ADD3: variants seen among roughly 807,000 people sequenced by gnomAD.
The protein encoded by ADD3 is gamma-adducin.
Under a neutral mutation model 80.2 loss-of-function variants are expected in ADD3, and 25 were observed. The observed-to-expected ratio is 0.31, with a 90% confidence interval of 0.23 to 0.44. The LOEUF (loss-of-function observed/expected upper bound fraction) is 0.44. Ranked by LOEUF, ADD3 falls within the 20% of genes least tolerant of loss-of-function variation. The probability of loss-of-function intolerance (pLI) is 1.00; values close to 1 mark genes in which losing one functional copy is unlikely to be tolerated. For synonymous variants in ADD3, 284 were observed against 289.6 expected, an observed-to-expected ratio of 0.98 and a Z score of 0.20; for missense variants, 829 against 847.5, an observed-to-expected ratio of 0.98 and a Z score of 0.27.
chr10:110,082,371 C>G (rs551017830), intron 1 of ADD3, among the ~76,000 whole-genome samples: 1 of 152,252 alleles, frequency 6.6e-6, no homozygotes, highest in African/African-American at 2.4e-5. Context: ...GCTTAGCTTA[C>G]TCTACACACT....
At chr10:110,098,886 C>A (rs1196892127) in intron 1 of ADD3, among the ~76,000 whole-genome samples, 1 of 152,060 alleles carries the variant, frequency 6.6e-6, no homozygotes, top group Non-Finnish European at 1.5e-5. Flanking sequence ...CCTTGGCCTC[C>A]CAAAGTGCTG....
chr10:110,110,893 G>A (rs1849931347), intron 2 of ADD3, among the ~76,000 whole-genome samples: 2 of 151,994 alleles, frequency 1.3e-5, no homozygotes, highest in South Asian at 4.1e-4. Flanking sequence ...TACTTGGAAG[G>A]CTGAGATAAG....
chr10:110,130,447 T>G lies in ADD3; in HGVS notation c.1693T>G (p.Tyr565Asp). 6.2e-6 allele frequency: 10 copies of G among 1,613,774 alleles called. No homozygotes were observed. Among genetic ancestry groups the G allele is most frequent in the Non-Finnish European group, 8.5e-6 (10 of 1,179,886 alleles). ...SHLTEGELEE[Y>D]KRTIERKQQG... Reference sequence around the variant, plus strand: ...TCTCACAGAAGGAGAACTTGAAGAGTATAAGAGGACAATCGAACGTAAACA... The same window carrying G: ...TCTCACAGAAGGAGAACTTGAAGAGGATAAGAGGACAATCGAACGTAAACA... The change falls in exon 13 of 15, where the codon TAT becomes GAT. Residue 565 changes from tyrosine (Y) to aspartate (D), a missense_variant. By Grantham distance (160) the Tyr-to-Asp change is radical (BLOSUM62 -3). Transcript: ENST00000356080.
At chr10:110,063,754 T>C (rs1843531583) in intron 1 of ADD3, among the ~76,000 whole-genome samples, 1 of 58,538 alleles carries the variant, frequency 1.7e-5, no homozygotes, top group Admixed American at 3.0e-4. Flanking sequence ...TATATATATA[T>C]ATATATATAT....
intron 2 of ADD3, among the ~76,000 whole-genome samples, chr10:110,109,619 T>C (rs1849769300): frequency 6.6e-6 from 1 of 152,142 alleles, no homozygotes; most frequent in African/African-American, 2.4e-5. Flanking sequence ...TCAAAGAATA[T>C]CAGTTATAAC....
chr10:110,019,110 A>G (rs1853347130), intron 1 of ADD3, among the ~76,000 whole-genome samples: 1 of 152,240 alleles, frequency 6.6e-6, no homozygotes, highest in African/African-American at 2.4e-5. Flanking sequence ...GCTAGAGCAT[A>G]TTCTGTCAAT....
chr10:110,069,556 C>G (rs538055619), intron 1 of ADD3, among the ~76,000 whole-genome samples: 2 of 149,792 alleles, frequency 1.3e-5, no homozygotes, highest in South Asian at 4.2e-4. Context: ...TTTTTTTTTT[C>G]CCCTTCCCAC....
At chr10:110,110,722 G>A (rs765249397) in intron 2 of ADD3, among the ~76,000 whole-genome samples, 10 of 151,574 alleles carry the variant, frequency 6.6e-5, no homozygotes, top group Admixed American at 1.3e-4. Flanking sequence ...TCCTGGCTGA[G>A]TGTGGTGGCT....
At chr10:110,013,797 C>T (rs192420090) in intron 1 of ADD3, among the ~76,000 whole-genome samples, 119 of 152,342 alleles carry the variant, frequency 7.8e-4, no homozygotes, top group African/African-American at 2.5e-3. Flanking sequence ...GTGAGTGACT[C>T]AGCCTGTTTA....
At chr10:110,127,484 G>T (rs919158025) in intron 12 of ADD3, among the ~76,000 whole-genome samples, 1 of 152,154 alleles carries the variant, frequency 6.6e-6, no homozygotes, top group African/African-American at 2.4e-5. Context: ...GTGCGTGGTG[G>T]CGTGCACCTG....
intron 1 of ADD3, among the ~76,000 whole-genome samples, chr10:109,999,057 T>C (rs1851433348): frequency 1.3e-5 from 2 of 152,150 alleles, no homozygotes; most frequent in African/African-American, 4.8e-5. Flanking sequence ...GTTCAACAAA[T>C]ACTGTTGCCT....
chr10:110,106,188 T>C lies in ADD3; in HGVS notation c.195+5340T>C, dbSNP rs531679273. ...CCCCAATTTTCCTCTCTAGTAATTT[T>C]GAGGTAAAACATCCAGATGTGGATA... On this transcript the variant is annotated intron_variant, in intron 2 of 14. Coordinates refer to ENST00000356080, the MANE Select transcript of ADD3 (RefSeq NM_016824.5). The C allele has an allele frequency of 7.8e-4, 119 of 152,012 alleles. 1 individual carries two copies. The highest frequency in any genetic ancestry group is 2.8e-3 in the African/African-American group (116 of 41,512). The allele number at this position is 152,012 out of a possible 1,614,324, so 9.4% of individuals were successfully genotyped here.
chr10:110,120,034 T>A (rs1851259869), intron 8 of ADD3, among the ~76,000 whole-genome samples: 1 of 152,076 alleles, frequency 6.6e-6, no homozygotes, highest in South Asian at 2.1e-4. Context: ...TCATCAGAGA[T>A]GTTGAATGTA....
chr10:110,116,291 C>T lies in ADD3; in HGVS notation c.367C>T (p.Pro123Ser), dbSNP rs745894584. ...LGMVTPINDL[P>S]GADTSSYVKG... is the part of the protein sequence containing the mutation. Reference sequence around the variant, plus strand: ...CATGGTCACACCTATCAATGACCTTCCTGGTGCAGATACATCCTCATATGT... The same window carrying T: ...CATGGTCACACCTATCAATGACCTTTCTGGTGCAGATACATCCTCATATGT... Residue 123 changes from proline to serine, a missense_variant, in exon 4 of 15, where the codon CCT (proline) becomes TCT (serine). By Grantham distance (74) the Pro-to-Ser change is moderately conservative. Transcript: ENST00000356080. The T allele has an allele frequency of 1.2e-6, 2 of 1,614,054 alleles. No individual in the cohort carries two copies. The highest frequency in any genetic ancestry group is 2.2e-5 in the South Asian group (2 of 91,086).
At chr10:110,071,667 C>T (rs1283414684) in intron 1 of ADD3, among the ~76,000 whole-genome samples, 1 of 151,928 alleles carries the variant, frequency 6.6e-6, no homozygotes, top group African/African-American at 2.4e-5. Flanking sequence ...TAATAAAATG[C>T]ATAGTTTTCA....
At chr10:110,016,133 C>T (rs1239122315) in intron 1 of ADD3, among the ~76,000 whole-genome samples, 1 of 152,186 alleles carries the variant, frequency 6.6e-6, no homozygotes, top group African/African-American at 2.4e-5. Context: ...CTTTGTGTCA[C>T]ACCTGAATGT....
At chr10:110,051,899 TTC>T (rs1419999072) in intron 1 of ADD3, among the ~76,000 whole-genome samples, 1 of 152,214 alleles carries the variant, frequency 6.6e-6, no homozygotes, top group African/African-American at 2.4e-5. Flanking sequence ...ACCTCCTGGG[TTC>T]AAGCGATCCT....
rs1344252921 is a variant in ADD3 at position 110,022,343 on chromosome 10, C to T, written c.-30+14044C>T. Among the ~76,000 whole-genome samples, 3 of 151,718 alleles carry T rather than the reference C, an allele frequency of 2.0e-5. No individual in the cohort carries two copies. The East Asian group carries it at 5.8e-4, about 29-fold the overall frequency. On this transcript the variant is annotated intron_variant, in intron 1 of 14. Coordinates refer to ENST00000356080, the MANE Select transcript of ADD3 (RefSeq NM_016824.5). ...ACCAATTCCCAATAATTTTTTTTAG[C>T]CAACCCAAAGTTATATTTACCTTCA... is the stretch of plus-strand genomic sequence containing the variant.
intron 3 of ADD3, among the ~76,000 whole-genome samples, chr10:110,114,346 CA>C: frequency 6.6e-6 from 1 of 152,332 alleles, no homozygotes; most frequent in East Asian, 1.9e-4. Flanking sequence ...CAAAACATCT[CA>C]AAATTAAAAG....
Sources: allele counts gnomAD v4.1 joint callset (sites outside exome capture counted in the v4.1 genomes callset), GRCh38; gene constraint gnomAD v4.1.1; transcripts MANE v1.5; gene names NCBI Gene and HGNC (gene_info 2026-07-23, HGNC 2026-07-21).